The following NTM variants were observed in gnomAD, a reference collection of about 807,000 sequenced individuals.
NTM encodes the protein IgLON family member 2.
NTM carries 13 observed loss-of-function variants against 42.1 expected under a neutral mutation model. That is an observed-to-expected ratio of 0.31 (90% CI 0.20 to 0.49). NTM has a LOEUF of 0.49. Among genes scored for constraint, NTM ranks in the 20% least tolerant of loss-of-function variants. NTM has a pLI of 0.99. For missense variants in NTM, 373 were observed against 452.8 expected (o/e 0.82, Z 1.60); for synonymous variants, 187 against 179.2 (o/e 1.04, Z -0.35).
chr11:131,533,000 G>A (rs1436996648), intron 1 of NTM, among the ~76,000 whole-genome samples: 1 of 151,996 alleles, frequency 6.6e-6, no homozygotes, highest in Non-Finnish European at 1.5e-5. Flanking sequence ...ACCACTAAAG[G>A]TGCAGGCTTA....
At chr11:131,400,619 C>A (rs1421250463) in intron 1 of NTM, among the ~76,000 whole-genome samples, 1 of 152,190 alleles carries the variant, frequency 6.6e-6, no homozygotes, top group Non-Finnish European at 1.5e-5. Context: ...GCATTGTCGA[C>A]ATGGAACACA....
chr11:132,246,947 A>G (rs945279859), intron 4 of NTM, among the ~76,000 whole-genome samples: 5 of 152,002 alleles, frequency 3.3e-5, no homozygotes, highest in African/African-American at 1.2e-4. Context: ...CCCAGGGTGG[A>G]CTCCAGACAT....
At chr11:131,893,695 C>G (rs1323906552) in intron 1 of NTM, among the ~76,000 whole-genome samples, 1 of 152,192 alleles carries the variant, frequency 6.6e-6, no homozygotes, top group African/African-American at 2.4e-5. Flanking sequence ...AAGCCCCTTA[C>G]AGCAGATGCT....
intron 1 of NTM, among the ~76,000 whole-genome samples, chr11:131,606,897 C>T (rs1237759055): frequency 6.6e-6 from 1 of 152,210 alleles, no homozygotes; most frequent in East Asian, 1.9e-4. Context: ...AAATAGACCT[C>T]TAAATGTATC....
At chr11:131,560,987 G>A (rs575781246) in intron 1 of NTM, among the ~76,000 whole-genome samples, 4 of 152,294 alleles carry the variant, frequency 2.6e-5, no homozygotes, top group South Asian at 2.1e-4. Flanking sequence ...GCAAGATTCC[G>A]GGTGGCGTGC....
chr11:131,713,945 G>A (rs1349421138), intron 1 of NTM, among the ~76,000 whole-genome samples: 2 of 152,220 alleles, frequency 1.3e-5, no homozygotes, highest in African/African-American at 2.4e-5. Context: ...ACTTTGTTAC[G>A]TTGGCATTCC....
chr11:132,255,098 A>G (rs902142368), intron 4 of NTM, among the ~76,000 whole-genome samples: 8 of 152,250 alleles, frequency 5.3e-5, no homozygotes, highest in Non-Finnish European at 1.2e-4. Flanking sequence ...CCTGTTGGAT[A>G]AGCAGAAAAA....
intron 1 of NTM, among the ~76,000 whole-genome samples, chr11:131,706,914 A>G (rs1002221721): frequency 4.6e-5 from 7 of 152,222 alleles, no homozygotes; most frequent in Admixed American, 4.6e-4. Flanking sequence ...GTTGTGATAT[A>G]TGTACACATT....
At chr11:132,081,702 C>T (rs986075479) in intron 2 of NTM, among the ~76,000 whole-genome samples, 21 of 146,470 alleles carry the variant, frequency 1.4e-4, no homozygotes, top group South Asian at 6.4e-4. Context: ...CCAGCCTGGG[C>T]GATAGAGCGA....
chr11:132,060,957 A>T (rs149519479), intron 2 of NTM, among the ~76,000 whole-genome samples: 114 of 152,318 alleles, frequency 7.5e-4, no homozygotes, highest in Middle Eastern at 3.4e-3. Context: ...AATAATGAAG[A>T]TCTAAGTGAT....
chr11:132,009,400 G>T (rs1356092434), intron 2 of NTM, among the ~76,000 whole-genome samples: 1 of 152,298 alleles, frequency 6.6e-6, no homozygotes, highest in African/African-American at 2.4e-5. Context: ...ATGTGCCGAT[G>T]TAAAGCCAGA....
At chr11:132,305,430 A>C (rs1240986195) in intron 4 of NTM, among the ~76,000 whole-genome samples, 1 of 152,244 alleles carries the variant, frequency 6.6e-6, no homozygotes, top group Non-Finnish European at 1.5e-5. Context: ...ATGCTGCGGC[A>C]CTGTTAATTT....
At chr11:131,713,820 G>A (rs1180272832) in intron 1 of NTM, among the ~76,000 whole-genome samples, 5 of 152,208 alleles carry the variant, frequency 3.3e-5, no homozygotes, top group Non-Finnish European at 7.3e-5. Flanking sequence ...TACAGCAGGA[G>A]TGAAAGTTTA....
At chr11:131,735,842 G>A (rs1277320876) in intron 1 of NTM, among the ~76,000 whole-genome samples, 8 of 142,544 alleles carry the variant, frequency 5.6e-5, no homozygotes, top group Non-Finnish European at 1.0e-4. Flanking sequence ...TAAGGTGTGT[G>A]TGTGTGTGTG....
At chr11:132,048,714 C>T (rs2078376714) in intron 2 of NTM, among the ~76,000 whole-genome samples, 1 of 152,026 alleles carries the variant, frequency 6.6e-6, no homozygotes, top group Non-Finnish European at 1.5e-5. Flanking sequence ...CTGACATCCT[C>T]AAAACAGACA....
intron 4 of NTM, among the ~76,000 whole-genome samples, chr11:132,268,400 C>T (rs1416601500): frequency 6.6e-6 from 1 of 152,190 alleles, no homozygotes; most frequent in Non-Finnish European, 1.5e-5. Context: ...GGAATTCAGA[C>T]TCCATGAATA....
At chr11:131,559,401 T>G (rs1221602556) in intron 1 of NTM, among the ~76,000 whole-genome samples, 1 of 152,234 alleles carries the variant, frequency 6.6e-6, no homozygotes, top group Non-Finnish European at 1.5e-5. Context: ...TCTTTTTACT[T>G]TTAAGAATAT....
intron 2 of NTM, among the ~76,000 whole-genome samples, chr11:131,964,147 G>A (rs2062549269): frequency 6.6e-6 from 1 of 152,198 alleles, no homozygotes; most frequent in Non-Finnish European, 1.5e-5. Flanking sequence ...GTCCAGAAGG[G>A]TGAGTGGACA....
chr11:131,630,709 C>T (rs2063568078), intron 1 of NTM, among the ~76,000 whole-genome samples: 2 of 152,284 alleles, frequency 1.3e-5, no homozygotes, highest in Admixed American at 1.3e-4. Context: ...CTGTATCCCT[C>T]CCAGGTCAAA....
Sources: gnomAD v4.1 joint callset for allele counts (sites outside exome capture counted in the v4.1 genomes callset) on GRCh38, gnomAD v4.1.1 for gene constraint, MANE v1.5 for transcripts, NCBI Gene and HGNC (gene_info 2026-07-23, HGNC 2026-07-21) for gene names.